The following GRAMD4 variants were observed in gnomAD, a reference collection of about 807,000 sequenced individuals.
GRAMD4 encodes the protein GRAM domain containing 4.
A neutral mutation model predicts 83.9 loss-of-function variants in GRAMD4; 25 were observed. That is an observed-to-expected ratio of 0.30 (90% CI 0.22 to 0.42). GRAMD4 has a LOEUF of 0.42. Among genes scored for constraint, GRAMD4 ranks in the 10% least tolerant of loss-of-function variants. GRAMD4 has a pLI of 1.00. For synonymous variants in GRAMD4, 336 were observed against 320.9 expected, an observed-to-expected ratio of 1.05 and a Z score of -0.50; for missense variants, 593 against 788.7, an observed-to-expected ratio of 0.75 and a Z score of 2.97.
Position 46,672,611 on chromosome 22 carries a change from G to T in GRAMD4, c.1085-232G>T, listed in dbSNP as rs777043242. Among the ~76,000 whole-genome samples, 4 of 152,020 alleles carry T rather than the reference G, an allele frequency of 2.6e-5. No individual in the cohort carries two copies. The highest frequency in any genetic ancestry group is 3.9e-4 in the East Asian group (2 of 5,136). On this transcript the variant is annotated intron_variant, in intron 13 of 18. Transcript: ENST00000406902. The surrounding 1 kb of genome is among the most constrained non-coding windows in gnomAD (Gnocchi z 4.7). The stretch of plus-strand genomic sequence containing the variant: ...GGGTCTTAGTGGGAGTGGGTGGGGC[G>T]CTGGCAGTGGGGCCCTCGCCTGGGG...
Position 46,679,376 on chromosome 22 carries a change from G to A in GRAMD4, c.*2125G>A. On this transcript the variant is annotated 3_prime_UTR_variant, in exon 19 of 19. Coordinates refer to ENST00000406902, the MANE Select transcript of GRAMD4 (RefSeq NM_015124.5). Reference sequence around the variant, plus strand: ...AGCCCCCAGGGAGGGCCACATTCGGGGAGCGGGGGGTCGGGGGAGGGCCAC... The same window carrying A: ...AGCCCCCAGGGAGGGCCACATTCGGAGAGCGGGGGGTCGGGGGAGGGCCAC... 1 of 985,478 alleles carries A rather than the reference G, an allele frequency of 1.0e-6. No homozygotes were observed. The highest frequency in any genetic ancestry group is 1.2e-6 in the Non-Finnish European group (1 of 829,952). 61.0% of individuals were successfully genotyped at this position (985,478 alleles called of 1,614,324 possible).
chr22:46,669,413 G>A lies in GRAMD4; in HGVS notation c.1084+505G>A, dbSNP rs553342307. On this transcript the variant is annotated intron_variant, in intron 13 of 18. Transcript: ENST00000406902. ...GAGGGTGGCTGGCGGTGAGGACCGG[G>A]CTGTGCCGGGAGGTGGGTGGGGTGT... 9.9e-5 allele frequency among the ~76,000 whole-genome samples: 15 copies of A among 151,560 alleles called. No individual in the cohort carries two copies. The East Asian group carries it at 2.7e-3, about 27-fold the overall frequency.
At chr22:46,634,144 C>T (rs900491218) in intron 2 of GRAMD4, among the ~76,000 whole-genome samples, 1 of 152,156 alleles carries the variant, frequency 6.6e-6, no homozygotes, top group Non-Finnish European at 1.5e-5. Flanking sequence ...AAGGTGGGCC[C>T]TGCCGAGGGC....
At chr22:46,608,609 G>T (rs1601551535) in intron 1 of GRAMD4, among the ~76,000 whole-genome samples, 1 of 152,158 alleles carries the variant, frequency 6.6e-6, no homozygotes, top group East Asian at 1.9e-4. Context: ...AACCCAGGAG[G>T]CAGAGGTTGC....
At chr22:46,577,510 G>C (rs2081055008) in intron 1 of GRAMD4, among the ~76,000 whole-genome samples, 1 of 151,058 alleles carries the variant, frequency 6.6e-6, no homozygotes, top group Admixed American at 6.6e-5. Context: ...CTCCCCGCGG[G>C]CACCTGCGGC....
chr22:46,658,182 C>T lies in GRAMD4; in HGVS notation c.284-5C>T, dbSNP rs771113211. 4 of 1,613,650 alleles carry T rather than the reference C, an allele frequency of 2.5e-6. No individual in the cohort carries two copies. The highest frequency in any genetic ancestry group is 1.1e-5 in the South Asian group (1 of 91,052). On this transcript the variant is annotated splice_region_variant and splice_polypyrimidine_tract_variant and intron_variant, in intron 3 of 18. Transcript: ENST00000406902. ...ATGGTCACCTGGCCGTTCTCTCCCC[C>T]ATAGAGGAGGAGCTCCGGAAGCTGC...
At chr22:46,584,794 C>T (rs373687344) in intron 1 of GRAMD4, among the ~76,000 whole-genome samples, 39 of 152,304 alleles carry the variant, frequency 2.6e-4, no homozygotes, top group South Asian at 1.7e-3. Context: ...AGCCCGGCCC[C>T]GCAGGGACGG....
In GRAMD4 at chr22:46,673,764, G is replaced by A; in HGVS notation, c.1334G>A (p.Gly445Asp). ...DAGRFHSTKK[G>D]NFHEIFNLTE... Reference sequence around the variant, plus strand: ...GGTCGCTTCCACAGCACCAAGAAGGGCAATTTCCACGAGATCTTCAATCTG... The same window carrying A: ...GGTCGCTTCCACAGCACCAAGAAGGACAATTTCCACGAGATCTTCAATCTG... The change falls in exon 15 of 19, where the codon GGC becomes GAC. Residue 445 changes from glycine (G) to aspartate (D), a missense_variant. Around this residue, in one of 4 missense-constraint regions of GRAMD4, gnomAD observed 171 missense variants for 199.6 expected, o/e 0.86. Transcript: ENST00000406902. The A allele has an allele frequency of 6.2e-7, 1 of 1,613,078 alleles. No homozygotes were observed. The highest frequency in any genetic ancestry group is 8.5e-7 in the Non-Finnish European group (1 of 1,179,950).
At chr22:46,645,500 A>G (rs1298019377) in intron 3 of GRAMD4, among the ~76,000 whole-genome samples, 1 of 152,152 alleles carries the variant, frequency 6.6e-6, no homozygotes, top group East Asian at 1.9e-4. Context: ...GGCTGTGAGC[A>G]TTTACCCGTT....
At chr22:46,677,049 C>A in intron 18 of GRAMD4, 98 bp from the exon 19 acceptor site, 2 of 1,400,196 alleles carry the variant, frequency 1.4e-6, no homozygotes, top group Non-Finnish European at 2.0e-6. Context: ...ACGTGACTAG[C>A]GTGCTGGCCT....
At chr22:46,615,054 T>C (rs1263019736) in intron 1 of GRAMD4, among the ~76,000 whole-genome samples, 3 of 43,422 alleles carry the variant, frequency 6.9e-5, no homozygotes, top group South Asian at 1.6e-3. Flanking sequence ...CCTGTGCGTG[T>C]AGGTTCCCCC....
At chr22:46,599,550 C>T (rs900732351) in intron 1 of GRAMD4, among the ~76,000 whole-genome samples, 1 of 152,156 alleles carries the variant, frequency 6.6e-6, no homozygotes, top group Non-Finnish European at 1.5e-5. Context: ...TGGTCTTGAA[C>T]TCCTGACCTC....
At chr22:46,588,366 C>T (rs1301905962) in intron 1 of GRAMD4, among the ~76,000 whole-genome samples, 3 of 152,168 alleles carry the variant, frequency 2.0e-5, no homozygotes, top group Admixed American at 6.5e-5. Context: ...GGCAGCACCA[C>T]GCAAGGGCAG....
chr22:46,592,735 G>A (rs945007500), intron 1 of GRAMD4, among the ~76,000 whole-genome samples: 5 of 152,274 alleles, frequency 3.3e-5, no homozygotes, highest in South Asian at 2.1e-4. Context: ...CGGCTGATTT[G>A]TTGGCTGACA....
chr22:46,614,284 G>A (rs2081447495), intron 1 of GRAMD4, among the ~76,000 whole-genome samples: 1 of 152,204 alleles, frequency 6.6e-6, no homozygotes, highest in South Asian at 2.1e-4. Flanking sequence ...GCGGGGCGCT[G>A]CTGCCACTCG....
chr22:46,586,279 G>A (rs1289674995), intron 1 of GRAMD4, among the ~76,000 whole-genome samples: 18 of 134,342 alleles, frequency 1.3e-4, no homozygotes, highest in African/African-American at 3.3e-4. Context: ...CCTCCCCACC[G>A]CCCCACGTGC....
At chr22:46,653,237 G>A (rs535873236) in intron 3 of GRAMD4, among the ~76,000 whole-genome samples, 1 of 152,362 alleles carries the variant, frequency 6.6e-6, no homozygotes, top group South Asian at 2.1e-4. Flanking sequence ...CGTGCCGCCC[G>A]CTGCCCCGGG....
chr22:46,639,281 C>T (rs1423617441), intron 3 of GRAMD4, among the ~76,000 whole-genome samples: 4 of 88,282 alleles, frequency 4.5e-5, no homozygotes. Flanking sequence ...TAACCCTGTG[C>T]GTGCCTGTGT....
intron 3 of GRAMD4, among the ~76,000 whole-genome samples, chr22:46,651,784 G>A (rs1219023972): frequency 1.3e-5 from 2 of 152,210 alleles, no homozygotes; most frequent in East Asian, 3.9e-4. Context: ...TTTCTGGTGG[G>A]GCCGCCTTGG....
Sources: allele counts gnomAD v4.1 joint callset (sites outside exome capture counted in the v4.1 genomes callset), GRCh38; gene constraint gnomAD v4.1.1; regional missense constraint gnomAD v4.1.1; non-coding constraint Gnocchi (gnomAD v3.1); transcripts MANE v1.5; gene names NCBI Gene and HGNC (gene_info 2026-07-23, HGNC 2026-07-21).